CCSER1: variants seen among roughly 807,000 people sequenced by gnomAD.
CCSER1 encodes the protein serine-rich coiled-coil domain-containing protein 1.
Under a neutral mutation model 82.0 loss-of-function variants are expected in CCSER1, and 41 were observed. The ratio of observed to expected loss-of-function variants is 0.50; its 90% CI spans 0.39 to 0.65. The LOEUF (loss-of-function observed/expected upper bound fraction) is 0.65, where lower values mean the gene tolerates loss of function less well. Among genes scored for constraint, CCSER1 ranks in the 30% least tolerant of loss-of-function variants. The pLI is 0.00. For synonymous variants in CCSER1, 414 were observed against 383.9 expected (o/e 1.08, Z -0.92); for missense variants, 1,119 against 1,064.2 (o/e 1.05, Z -0.72).
intron 5 of CCSER1, among the ~76,000 whole-genome samples, chr4:90,610,226 C>G (rs1010509179): frequency 6.6e-6 from 1 of 151,208 alleles, no homozygotes; most frequent in Non-Finnish European, 1.5e-5. Context: ...GCACTCCAGA[C>G]TGGGCGACAG....
chr4:90,227,182 G>C (rs968412566), intron 1 of CCSER1, among the ~76,000 whole-genome samples: 1 of 152,216 alleles, frequency 6.6e-6, no homozygotes, highest in Non-Finnish European at 1.5e-5. Flanking sequence ...GCAAGGTACA[G>C]TTGAGAGAAC....
At chr4:90,138,125 GATACTCAGT>G (rs1287860426) in intron 1 of CCSER1, among the ~76,000 whole-genome samples, 8 of 152,148 alleles carry the variant, frequency 5.3e-5, no homozygotes, top group Admixed American at 5.2e-4. Context: ...GAGGTGTAAA[GATACTCAGT>G]ATGGAAGTGA....
At chr4:91,158,505 T>C (rs1731045968) in intron 10 of CCSER1, among the ~76,000 whole-genome samples, 1 of 151,996 alleles carries the variant, frequency 6.6e-6, no homozygotes, top group African/African-American at 2.4e-5. Flanking sequence ...TCATATACTA[T>C]ATCCTCTCTA....
intron 8 of CCSER1, among the ~76,000 whole-genome samples, chr4:90,877,524 A>C (rs563043540): frequency 3.1e-4 from 47 of 152,194 alleles, no homozygotes; most frequent in African/African-American, 1.1e-3. Context: ...TCGAGGGAAC[A>C]ATACTTACCT....
At position 90,780,694 on chromosome 4, in the gene CCSER1, A is replaced by G. The variant is rs555232806; in HGVS notation, c.2011-35068A>G. 176 of 1,325,960 alleles carry G rather than the reference A, an allele frequency of 1.3e-4. No homozygotes were observed. In the African/African-American group the frequency reaches 2.3e-3, roughly 17 times the overall value. 82.1% of individuals were successfully genotyped at this position (1,325,960 alleles called of 1,614,324 possible). On this transcript the variant is annotated intron_variant, in intron 7 of 10. Transcript: ENST00000509176. ...GAACTAAGGAGGCTCTGTAAGCAAG[A>G]CAAACGGTCAGGAGGCCTCCTTGCT... is the stretch of plus-strand genomic sequence containing the variant.
chr4:91,330,555 C>A (rs1560593274), intron 10 of CCSER1, among the ~76,000 whole-genome samples: 1 of 152,156 alleles, frequency 6.6e-6, no homozygotes, highest in Admixed American at 6.6e-5. Flanking sequence ...GGCTTGTCTT[C>A]CCCTTGCGGA....
At chr4:90,394,820 T>C (rs995885410) in intron 3 of CCSER1, among the ~76,000 whole-genome samples, 1 of 152,216 alleles carries the variant, frequency 6.6e-6, no homozygotes, top group Non-Finnish European at 1.5e-5. Context: ...TTCTGTTTTA[T>C]GGATTCATGG....
intron 9 of CCSER1, among the ~76,000 whole-genome samples, chr4:91,057,498 C>T (rs959575950): frequency 8.6e-5 from 13 of 151,970 alleles, no homozygotes; most frequent in East Asian, 3.9e-4. Context: ...CATAATTGGA[C>T]GATAATTTGG....
chr4:90,283,121 A>G (rs1380584559), intron 1 of CCSER1, among the ~76,000 whole-genome samples: 1 of 151,948 alleles, frequency 6.6e-6, no homozygotes, highest in Non-Finnish European at 1.5e-5. Flanking sequence ...ATCTAGTGAT[A>G]ACATGTTTTT....
At chr4:91,164,353 G>C (rs1288652871) in intron 10 of CCSER1, among the ~76,000 whole-genome samples, 1 of 152,134 alleles carries the variant, frequency 6.6e-6, no homozygotes, top group Non-Finnish European at 1.5e-5. Flanking sequence ...CTCTCTGGCT[G>C]CCCTTAATAT....
At chr4:90,848,616 G>A (rs572163733) in intron 8 of CCSER1, among the ~76,000 whole-genome samples, 19 of 152,084 alleles carry the variant, frequency 1.2e-4, no homozygotes, top group Middle Eastern at 3.4e-3. Flanking sequence ...AACTCCCTGC[G>A]GAAGACCTAA....
chr4:90,568,061 C>T (rs1380174718), intron 5 of CCSER1, among the ~76,000 whole-genome samples: 5 of 152,184 alleles, frequency 3.3e-5, no homozygotes, highest in Admixed American at 2.0e-4. Context: ...ATATTTGATA[C>T]AATTTCAATC....
chr4:91,257,618 ATTATC>A (rs1740799877), intron 10 of CCSER1, among the ~76,000 whole-genome samples: 1 of 152,088 alleles, frequency 6.6e-6, no homozygotes. Flanking sequence ...TTTGTTAAAA[ATTATC>A]TTAATTAAGA....
intron 10 of CCSER1, among the ~76,000 whole-genome samples, chr4:91,457,672 A>G (rs1194745675): frequency 6.6e-6 from 1 of 152,128 alleles, no homozygotes; most frequent in Non-Finnish European, 1.5e-5. Flanking sequence ...CCTATTGAAA[A>G]AAAACATAAA....
At chr4:90,480,775 C>T (rs1383582900) in intron 5 of CCSER1, among the ~76,000 whole-genome samples, 2 of 152,162 alleles carry the variant, frequency 1.3e-5, no homozygotes, top group Non-Finnish European at 2.9e-5. Context: ...GTTTTGGTTA[C>T]TGTAGCCTTG....
intron 1 of CCSER1, among the ~76,000 whole-genome samples, chr4:90,230,316 C>A (rs1001966178): frequency 3.3e-5 from 5 of 152,200 alleles, no homozygotes; most frequent in African/African-American, 9.7e-5. Flanking sequence ...GATGAAGAAA[C>A]TCACTCAAAA....
At chr4:90,801,927 GTA>G (rs201365640) in intron 7 of CCSER1, among the ~76,000 whole-genome samples, 1 of 151,776 alleles carries the variant, frequency 6.6e-6, no homozygotes, top group Non-Finnish European at 1.5e-5. Flanking sequence ...TAGAATATAT[GTA>G]TAATTCTAGG....
rs181085277 is a variant in CCSER1, at chr4:90,918,951, T to C, written c.2095-4419T>C. Among the ~76,000 whole-genome samples the C allele has an allele frequency of 8.6e-5, 13 of 152,024 alleles. No homozygotes were observed. The Admixed American group carries it at 8.6e-4, about 10-fold the overall frequency. ...TCCAATTTTGTGTTTAACTCTATGT[T>C]GACTTTATCATTTTATTCCAAACTT... On this transcript the variant is annotated intron_variant, in intron 8 of 10. Transcript: ENST00000509176.
intron 10 of CCSER1, among the ~76,000 whole-genome samples, chr4:91,340,383 T>A (rs1258542339): frequency 1.3e-5 from 2 of 152,140 alleles, no homozygotes; most frequent in Non-Finnish European, 2.9e-5. Flanking sequence ...ATGCATTTAG[T>A]AGAATGTAAA....
Sources: gnomAD v4.1 joint callset for allele counts (sites outside exome capture counted in the v4.1 genomes callset) on GRCh38, gnomAD v4.1.1 for gene constraint, MANE v1.5 for transcripts, NCBI Gene and HGNC (gene_info 2026-07-23, HGNC 2026-07-21) for gene names.